Variants in NEXMIF observed in about 807,000 individuals in gnomAD.
NEXMIF encodes the protein XLMR protein related to neurite extension.
In NEXMIF, 8 loss-of-function variants were observed where a neutral mutation model predicts 62.1. The ratio of observed to expected loss-of-function variants is 0.13; its 90% CI spans 0.08 to 0.23. The LOEUF (loss-of-function observed/expected upper bound fraction) is 0.23, where lower values mean the gene tolerates loss of function less well. NEXMIF is among the 10% of genes least tolerant of loss of function. NEXMIF has a pLI of 1.00. For missense variants in NEXMIF, 976 were observed against 1,113.3 expected (o/e 0.88, Z 1.75); for synonymous variants, 404 against 416.6 (o/e 0.97, Z 0.37).
intron 1 of NEXMIF, among the ~76,000 whole-genome samples, chrX:74,853,883 G>A (rs1356616887): frequency 9.0e-6 from 1 of 111,680 alleles, no homozygotes; most frequent in Non-Finnish European, 1.9e-5. Context: ...ATTGAATCAG[G>A]AAGAAGTAGA....
At chrX:74,758,712 T>G (rs2080166757) in intron 1 of NEXMIF, among the ~76,000 whole-genome samples, 1 of 111,847 alleles carries the variant, frequency 8.9e-6, no homozygotes, top group Non-Finnish European at 1.9e-5. Flanking sequence ...CCTCCAGCTC[T>G]GTCCATGTCC....
chrX:74,748,188 C>A (rs1201709450), intron 1 of NEXMIF, among the ~76,000 whole-genome samples: 1 of 111,581 alleles, frequency 9.0e-6, no homozygotes. Flanking sequence ...AAGTTTGGTT[C>A]TATTAGAGTC....
intron 1 of NEXMIF, among the ~76,000 whole-genome samples, chrX:74,846,073 C>A (rs2147491766): frequency 8.9e-6 from 1 of 112,575 alleles, no homozygotes; most frequent in East Asian, 2.8e-4. Context: ...TCTTCTTTCC[C>A]AATGCTAAAG....
At chrX:74,879,654 G>A (rs1305650221) in intron 1 of NEXMIF, among the ~76,000 whole-genome samples, 2 of 111,830 alleles carry the variant, frequency 1.8e-5, no homozygotes, top group East Asian at 5.6e-4. Flanking sequence ...TTTGGAATGG[G>A]GGTCTGAAAC....
chrX:74,885,619 G>C (rs1248858284), intron 1 of NEXMIF, among the ~76,000 whole-genome samples: 1 of 111,571 alleles, frequency 9.0e-6, no homozygotes, highest in Non-Finnish European at 1.9e-5. Context: ...TCTCTGAATA[G>C]ACCAATAACA....
At chrX:74,831,974 A>G (rs192132734) in intron 1 of NEXMIF, among the ~76,000 whole-genome samples, 1 of 112,277 alleles carries the variant, frequency 8.9e-6, no homozygotes, top group Admixed American at 9.4e-5. Flanking sequence ...CTTGGTCACA[A>G]TGAATGATCA....
At chrX:74,818,430 T>C (rs2080383286) in intron 1 of NEXMIF, among the ~76,000 whole-genome samples, 1 of 111,686 alleles carries the variant, frequency 9.0e-6, no homozygotes, top group South Asian at 3.7e-4. Context: ...GTGCAGAAGA[T>C]TAAAACTGGA....
chrX:74,827,919 G>A (rs968544612), intron 1 of NEXMIF, among the ~76,000 whole-genome samples: 1 of 112,123 alleles, frequency 8.9e-6, no homozygotes, highest in Non-Finnish European at 1.9e-5. Context: ...TGCCTTCATG[G>A]GTGGAGAGCA....
At chrX:74,810,556 C>T (rs1455934790) in intron 1 of NEXMIF, among the ~76,000 whole-genome samples, 2 of 105,222 alleles carry the variant, frequency 1.9e-5, no homozygotes, top group African/African-American at 6.9e-5. Flanking sequence ...TTTGGGAGGC[C>T]GAGGCGGGTG....
chrX:74,902,619 C>G (rs1318133277), intron 1 of NEXMIF, among the ~76,000 whole-genome samples: 1 of 110,902 alleles, frequency 9.0e-6, no homozygotes, highest in Non-Finnish European at 1.9e-5. Flanking sequence ...CCAGTGAGGA[C>G]TGCAATCTTC....
chrX:74,795,033 G>A (rs1445182995), intron 1 of NEXMIF, among the ~76,000 whole-genome samples: 1 of 111,892 alleles, frequency 8.9e-6, no homozygotes, highest in Non-Finnish European at 1.9e-5. Context: ...CGTCCACATG[G>A]AATATGGTGT....
chrX:74,894,847 T>C (rs2080728171), intron 1 of NEXMIF, among the ~76,000 whole-genome samples: 1 of 112,423 alleles, frequency 8.9e-6, no homozygotes, highest in African/African-American at 3.2e-5. Flanking sequence ...AAGCCATCTA[T>C]GACAGACACA....
At chrX:74,786,816 T>TACACAC (rs761602482) in intron 1 of NEXMIF, among the ~76,000 whole-genome samples, 4 of 107,308 alleles carry the variant, frequency 3.7e-5, no homozygotes, top group African/African-American at 1.4e-4. Context: ...AACAAGGTTG[T>TACACAC]ACACACACAC....
At chrX:74,788,835 T>A (rs1180258213) in intron 1 of NEXMIF, among the ~76,000 whole-genome samples, 1 of 110,273 alleles carries the variant, frequency 9.1e-6, no homozygotes, top group Non-Finnish European at 1.9e-5. Flanking sequence ...TAATTTTCAG[T>A]CTCCCACAAT....
intron 1 of NEXMIF, among the ~76,000 whole-genome samples, chrX:74,753,244 A>G (rs1462657341): frequency 1.8e-5 from 2 of 112,232 alleles, no homozygotes; most frequent in Non-Finnish European, 3.8e-5. Flanking sequence ...CTTTTCAGAA[A>G]TGTAATCACT....
chrX:74,781,285 A>G (rs758818630), intron 1 of NEXMIF, among the ~76,000 whole-genome samples: 2 of 112,720 alleles, frequency 1.8e-5, no homozygotes, highest in Non-Finnish European at 3.7e-5. Flanking sequence ...GATCTCCTTT[A>G]GAGAGAACTG....
At chrX:74,793,134 T>G (rs1448085787) in intron 1 of NEXMIF, among the ~76,000 whole-genome samples, 1 of 111,504 alleles carries the variant, frequency 9.0e-6, no homozygotes, top group Non-Finnish European at 1.9e-5. Context: ...TTTCCATGTT[T>G]AGTGCTTCCT....
rs778046094 is a variant in NEXMIF at position 74,796,534 on chromosome X, G to T, written c.-47-50837C>A. On this transcript the variant is annotated intron_variant, in intron 1 of 3. Coordinates refer to ENST00000055682, the MANE Select transcript of NEXMIF (RefSeq NM_001008537.3). ...TGGTTCATTCTAGGGCTAGGTCAGG[G>T]AAAACACAAGATGAGCCTGGAGTAT... 2.8e-5 allele frequency among the ~76,000 whole-genome samples: 3 copies of T among 107,229 alleles called. No individual in the cohort carries two copies. The South Asian group carries it at 1.2e-3, about 43-fold the overall frequency. The allele number at this position is 107,229 out of a possible 115,157, so 93.1% of individuals were successfully genotyped here. A position where few individuals can be genotyped will look rare whatever the true frequency, so the allele number is the denominator to read the frequency against.
At chrX:74,875,423 A>T (rs766725037) in intron 1 of NEXMIF, among the ~76,000 whole-genome samples, 2 of 112,008 alleles carry the variant, frequency 1.8e-5, no homozygotes, top group African/African-American at 6.5e-5. Flanking sequence ...TTTTTGCATC[A>T]ATGTTCATCA....
Sources: allele counts gnomAD v4.1 joint callset (sites outside exome capture counted in the v4.1 genomes callset), GRCh38; gene constraint gnomAD v4.1.1; transcripts MANE v1.5; gene names NCBI Gene and HGNC (gene_info 2026-07-23, HGNC 2026-07-21).